The following MIGA2 variants were observed in gnomAD, a reference collection of about 807,000 sequenced individuals.
MIGA2 encodes the protein family with sequence similarity 73, member B.
MIGA2 carries 36 observed loss-of-function variants against 69.9 expected under a neutral mutation model. The ratio of observed to expected loss-of-function variants is 0.52; its 90% CI spans 0.39 to 0.68. MIGA2 has a LOEUF of 0.68. MIGA2 is among the 30% of genes least tolerant of loss of function. The pLI, the probability that MIGA2 is intolerant of heterozygous loss-of-function variation, is 0.00. For synonymous variants in MIGA2, 333 were observed against 349.2 expected, an observed-to-expected ratio of 0.95 and a Z score of 0.52; for missense variants, 660 against 787.7, an observed-to-expected ratio of 0.84 and a Z score of 1.94.
At position 129,069,204 on chromosome 9, in the gene MIGA2, G is replaced by C. The variant is rs1233753375; in HGVS notation, c.1458+75G>C. On this transcript the variant is annotated intron_variant, in intron 14 of 15. Coordinates refer to ENST00000684074, the MANE Select transcript of MIGA2 (RefSeq NM_001329990.2). The surrounding 1 kb of genome is among the most constrained non-coding windows in gnomAD (Gnocchi z 4.9). ...GTGGTGGGGAGCGGAGCGGGTGCAG[G>C]GTGGCTCGCTGGGCCACTTGGCCTT... 25 of 1,591,656 alleles carry C rather than the reference G, an allele frequency of 1.6e-5. No individual in the cohort carries two copies. Among genetic ancestry groups the C allele is most frequent in the Admixed American group, 3.3e-5 (2 of 59,924 alleles).
Position 129,070,547 on chromosome 9 carries a change from CT to C in MIGA2, c.*95del, listed in dbSNP as rs1846626787. ...CTGTGGTGGCTGAGGGCCGTTGCCC[CT>C]GACTTTGCCCCACCCCCATCATCTG... On this transcript the variant is annotated 3_prime_UTR_variant, in exon 16 of 16. Transcript: ENST00000684074. 2 of 1,351,936 alleles carry C rather than the reference CT, an allele frequency of 1.5e-6. No homozygotes were observed. Among genetic ancestry groups the C allele is most frequent in the Non-Finnish European group, 2.0e-6 (2 of 1,020,554 alleles). The allele number at this position is 1,351,936 out of a possible 1,614,324, so 83.7% of individuals were successfully genotyped here. A position where few individuals can be genotyped will look rare whatever the true frequency, so the allele number is the denominator to read the frequency against.
intron 1 of MIGA2, among the ~76,000 whole-genome samples, chr9:129,037,858 G>T (rs1844675600): frequency 6.6e-6 from 1 of 152,174 alleles, no homozygotes; most frequent in African/African-American, 2.4e-5. Flanking sequence ...CCAGAGCTTG[G>T]CCGCTTAGTA....
At position 129,070,706 on chromosome 9, in the gene MIGA2, G is replaced by A; in HGVS notation, c.*253G>A. On this transcript the variant is annotated 3_prime_UTR_variant, in exon 16 of 16. Coordinates refer to ENST00000684074, the MANE Select transcript of MIGA2 (RefSeq NM_001329990.2). ...GGGGTTGTTGTGGAGAATTGGGACA[G>A]GCAGAGCCAGGATGCCCCAGGTGGG... 1.9e-6 allele frequency: 1 copy of A among 516,456 alleles called. No homozygotes were observed. The highest frequency in any genetic ancestry group is 3.2e-5 in the South Asian group (1 of 31,134). 32.0% of individuals were successfully genotyped at this position (516,456 alleles called of 1,614,324 possible). A position where few individuals can be genotyped will look rare whatever the true frequency, so the allele number is the denominator to read the frequency against.
chr9:129,053,297 C>T (rs1845639467), intron 6 of MIGA2, among the ~76,000 whole-genome samples: 1 of 152,146 alleles, frequency 6.6e-6, no homozygotes, highest in Non-Finnish European at 1.5e-5. Flanking sequence ...ACAAGGGGTG[C>T]CTGCAGCCCT....
intron 11 of MIGA2, among the ~76,000 whole-genome samples, chr9:129,065,859 GGGCTCACCGT>G (rs1846313605): frequency 6.6e-6 from 1 of 152,056 alleles, no homozygotes; most frequent in African/African-American, 2.4e-5. Flanking sequence ...GAGAACCCTT[GGGCTCACCGT>G]GGCGGTGTGG....
chr9:129,056,129 G>GAAA (rs76491749), intron 6 of MIGA2, among the ~76,000 whole-genome samples: 10 of 77,384 alleles, frequency 1.3e-4, no homozygotes, highest in South Asian at 4.0e-4. Context: ...CCTGTCTCAA[G>GAAA]AAAAAAAAAA....
At chr9:129,049,192 A>G (rs1220960998) in intron 4 of MIGA2, among the ~76,000 whole-genome samples, 189 bp from the exon 5 acceptor site, 1 of 152,160 alleles carries the variant, frequency 6.6e-6, no homozygotes, top group Non-Finnish European at 1.5e-5. Context: ...CTTTCTATGA[A>G]GCACCATCAG....
chr9:129,052,105 C>G (rs1225631239), intron 6 of MIGA2, among the ~76,000 whole-genome samples: 1 of 151,820 alleles, frequency 6.6e-6, no homozygotes, highest in Non-Finnish European at 1.5e-5. Context: ...GGATTATAGG[C>G]GTGAGCCACC....
chr9:129,059,108 C>A lies in MIGA2; in HGVS notation c.676-46C>A. ...GGGTGAGGGAAGGGGCCATTTTCATCGGGAGCTTTGAGGGTCTGGGTTGAG... is the reference window on the plus strand; with the variant it reads ...GGGTGAGGGAAGGGGCCATTTTCATAGGGAGCTTTGAGGGTCTGGGTTGAG... On this transcript the variant is annotated intron_variant, in intron 6 of 15. Coordinates refer to ENST00000684074, the MANE Select transcript of MIGA2 (RefSeq NM_001329990.2). The surrounding 1 kb of genome is among the most constrained non-coding windows in gnomAD (Gnocchi z 5.6). The A allele has an allele frequency of 6.4e-7, 1 of 1,563,588 alleles. No homozygotes were observed. Among genetic ancestry groups the A allele is most frequent in the Non-Finnish European group, 8.8e-7 (1 of 1,135,928 alleles).
chr9:129,040,810 C>T (rs2131338787), intron 2 of MIGA2, 120 bp downstream of exon 2: 1 of 786,636 alleles, frequency 1.3e-6, no homozygotes, highest in East Asian at 2.8e-5. Context: ...TCTGGTGTCT[C>T]CTCTTTGGAC....
intron 6 of MIGA2, among the ~76,000 whole-genome samples, chr9:129,055,588 C>T (rs1452382624): frequency 1.3e-5 from 2 of 152,050 alleles, no homozygotes; most frequent in African/African-American, 4.8e-5. Flanking sequence ...CGGTGGCTCA[C>T]GCCTGTAATC....
chr9:129,060,288 G>T lies in MIGA2; in HGVS notation c.794-262G>T, dbSNP rs28365556. Among the ~76,000 whole-genome samples, 30 of 152,310 alleles carry T rather than the reference G, an allele frequency of 2.0e-4. No individual in the cohort carries two copies. In the East Asian group the frequency reaches 5.8e-3, roughly 29 times the overall value. Reference sequence around the variant, plus strand: ...TGCAACCTGTGAGCCTGGCAGAGCCGCTCACCAGCCGAGGGCTCACACCTG... The same window carrying T: ...TGCAACCTGTGAGCCTGGCAGAGCCTCTCACCAGCCGAGGGCTCACACCTG... On this transcript the variant is annotated intron_variant, in intron 7 of 15. Transcript: ENST00000684074. This position sits in a 1 kb window ranked among gnomAD's most constrained non-coding sequence, Gnocchi z 4.8.
At position 129,049,421 on chromosome 9, in the gene MIGA2, C is replaced by T. The variant is rs563196451; in HGVS notation, c.461C>T (p.Ser154Leu). 1.2e-5 allele frequency: 19 copies of T among 1,613,406 alleles called. No homozygotes were observed. The highest frequency in any genetic ancestry group is 1.7e-4 in the Middle Eastern group (1 of 6,060). ...TCATCCAGCCCCACAGCCGCGTGCT[C>T]GGGACTATGGGATGCCAGAGGGATG... Reference protein sequence around the residue: ...VNSSSPTAACSGLWDARGMEE... With the variant: ...VNSSSPTAACLGLWDARGMEE... The change falls in exon 5 of 16, where the codon TCG becomes TTG. Residue 154 changes from serine to leucine, a missense_variant. By Grantham distance (145) the Ser-to-Leu change is moderately radical (BLOSUM62 -2). Coordinates refer to ENST00000684074, the MANE Select transcript of MIGA2 (RefSeq NM_001329990.2).
At position 129,061,793 on chromosome 9, in the gene MIGA2, G is replaced by C. The variant is rs567660805; in HGVS notation, c.1010+447G>C. 6.6e-6 allele frequency among the ~76,000 whole-genome samples: 1 copy of C among 152,224 alleles called. No homozygotes were observed. Among genetic ancestry groups the C allele is most frequent in the South Asian group, 2.1e-4 (1 of 4,826 alleles). ...CACACAGGGGGCACTGGTCCTAAGC[G>C]CAGTGTCTGGACACAGCTCCTCTGT... On this transcript the variant is annotated intron_variant, in intron 9 of 15. Transcript: ENST00000684074. This position sits in a 1 kb window ranked among gnomAD's most constrained non-coding sequence, Gnocchi z 5.0.
chr9:129,049,281 G>T (rs1197883908), intron 4 of MIGA2, 100 bp from the exon 5 acceptor site: 2 of 1,102,084 alleles, frequency 1.8e-6, no homozygotes, highest in Admixed American at 2.0e-5. Context: ...TTTGGAGGGG[G>T]CGTGTGGCCC....
At chr9:129,043,131 T>C (rs1845008299) in intron 3 of MIGA2, among the ~76,000 whole-genome samples, 1 of 151,832 alleles carries the variant, frequency 6.6e-6, no homozygotes. Flanking sequence ...GAGGCGGAGC[T>C]TGCAGTGAGC....
rs1387907458 is a variant in MIGA2, at chr9:129,069,283, G to A, written c.1458+154G>A. 3.4e-6 allele frequency: 3 copies of A among 893,320 alleles called. No homozygotes were observed. The highest frequency in any genetic ancestry group is 2.9e-5 in the South Asian group (2 of 68,438). The allele number at this position is 893,320 out of a possible 1,614,324, so 55.3% of individuals were successfully genotyped here. Reference sequence around the variant, plus strand: ...CCGCCGTTACCTCTCCCTGTGCCAGGAGCTCCCTGGAGGCTCGTGTAGACC... The same window carrying A: ...CCGCCGTTACCTCTCCCTGTGCCAGAAGCTCCCTGGAGGCTCGTGTAGACC... On this transcript the variant is annotated intron_variant, in intron 14 of 15. Coordinates refer to ENST00000684074, the MANE Select transcript of MIGA2 (RefSeq NM_001329990.2). This position sits in a 1 kb window ranked among gnomAD's most constrained non-coding sequence, Gnocchi z 4.9.
At chr9:129,064,459 G>A (rs918184504) in intron 11 of MIGA2, among the ~76,000 whole-genome samples, 1 of 151,204 alleles carries the variant, frequency 6.6e-6, no homozygotes, top group Admixed American at 6.6e-5. Context: ...CGCCCGCCTC[G>A]GCCTCCCAAA....
chr9:129,068,087 C>A lies in MIGA2; in HGVS notation c.1270-111C>A, dbSNP rs7044671. The stretch of plus-strand genomic sequence containing the variant: ...AGCAGAGCGGGAAAGACGTGTCCCC[C>A]CCACGTGTGCTCATGCCCTGGACCC... On this transcript the variant is annotated intron_variant, in intron 12 of 15. Transcript: ENST00000684074. This position sits in a 1 kb window ranked among gnomAD's most constrained non-coding sequence, Gnocchi z 4.1. 1.5e-5 allele frequency: 22 copies of A among 1,465,278 alleles called. No individual in the cohort carries two copies. Among genetic ancestry groups the A allele is most frequent in the East Asian group, 4.5e-5 (2 of 44,026 alleles). The allele number at this position is 1,465,278 out of a possible 1,614,324, so 90.8% of individuals were successfully genotyped here.
Sources: allele counts gnomAD v4.1 joint callset (sites outside exome capture counted in the v4.1 genomes callset), GRCh38; gene constraint gnomAD v4.1.1; non-coding constraint Gnocchi (gnomAD v3.1); transcripts MANE v1.5; gene names NCBI Gene and HGNC (gene_info 2026-07-23, HGNC 2026-07-21).